PRKCH: variants seen among roughly 807,000 people sequenced by gnomAD.
The protein encoded by PRKCH is protein kinase C eta type.
PRKCH carries 28 observed loss-of-function variants against 82.5 expected under a neutral mutation model. The ratio of observed to expected loss-of-function variants is 0.34; its 90% confidence interval spans 0.25 to 0.47. The LOEUF (loss-of-function observed/expected upper bound fraction) is 0.47. PRKCH is among the 20% of genes least tolerant of loss of function. The pLI is 1.00. For synonymous variants in PRKCH, 322 were observed against 327.4 expected (o/e 0.98, Z 0.18); for missense variants, 705 against 881.8 (o/e 0.80, Z 2.54).
intron 10 of PRKCH, among the ~76,000 whole-genome samples, chr14:61,495,452 G>A (rs1472708698): frequency 2.6e-5 from 4 of 152,154 alleles, no homozygotes; most frequent in Non-Finnish European, 4.4e-5. Flanking sequence ...TAATTACAGA[G>A]AATCTTGGAT....
intron 10 of PRKCH, among the ~76,000 whole-genome samples, chr14:61,499,414 C>T (rs920708729): frequency 1.3e-5 from 2 of 152,132 alleles, no homozygotes; most frequent in African/African-American, 4.8e-5. Flanking sequence ...ACCCCACACC[C>T]TGGAGAACAG....
chr14:61,285,124 G>A (rs538151473), intron 1 of PRKCH, among the ~76,000 whole-genome samples: 161 of 151,858 alleles, frequency 1.1e-3, no homozygotes, highest in Non-Finnish European at 1.8e-3. Context: ...TCCCCCTAAC[G>A]TTTTCTTTCA....
chr14:61,280,833 C>A lies in PRKCH; in HGVS notation c.-19+93165C>A. 6.4e-7 allele frequency: 1 copy of A among 1,565,812 alleles called. No homozygotes were observed. The highest frequency in any genetic ancestry group is 8.6e-7 in the Non-Finnish European group (1 of 1,164,322). Reference sequence around the variant, plus strand: ...GCTCGTAGTAGAGGTACACTGGGCCCTGGAAGAGCTCGGGCAGCGAGAAGT... The same window carrying A: ...GCTCGTAGTAGAGGTACACTGGGCCATGGAAGAGCTCGGGCAGCGAGAAGT... On this transcript the variant is annotated intron_variant, in intron 1 of 3. Coordinates refer to the PRKCH transcript ENST00000555185. This position sits in a 1 kb window ranked among gnomAD's most constrained non-coding sequence, Gnocchi z 5.0.
At chr14:61,451,273 T>A (rs1884497221) in intron 6 of PRKCH, among the ~76,000 whole-genome samples, 1 of 151,958 alleles carries the variant, frequency 6.6e-6, no homozygotes, top group Non-Finnish European at 1.5e-5. Context: ...GAGAAAAAGA[T>A]GGGATCTTAG....
intron 10 of PRKCH, among the ~76,000 whole-genome samples, chr14:61,515,235 A>G (rs564401260): frequency 7.9e-5 from 12 of 152,316 alleles, no homozygotes; most frequent in African/African-American, 2.4e-4. Context: ...TGAAGTACAG[A>G]TACTGTTTCA....
intron 1 of PRKCH, among the ~76,000 whole-genome samples, chr14:61,333,121 G>A (rs976514147): frequency 2.0e-5 from 3 of 152,320 alleles, no homozygotes; most frequent in Admixed American, 6.5e-5. Context: ...TTTGCAAGCT[G>A]TGGGCCTCTT....
At chr14:61,318,000 T>G (rs76185238), upstream of PRKCH, among the ~76,000 whole-genome samples, 6,830 of 152,206 alleles carry the variant, frequency 0.045, 200 homozygotes, top group Non-Finnish European at 0.065. Flanking sequence ...TCAAACTTGA[T>G]AAGTTTTGAA....
intron 2 of PRKCH, among the ~76,000 whole-genome samples, chr14:61,427,660 C>G (rs1489076624): frequency 6.6e-6 from 1 of 152,148 alleles, no homozygotes; most frequent in African/African-American, 2.4e-5. Flanking sequence ...GACAATGGCT[C>G]ATTGCAGCTT....
chr14:61,456,395 A>G (rs1309250438), intron 7 of PRKCH, among the ~76,000 whole-genome samples: 2 of 152,254 alleles, frequency 1.3e-5, no homozygotes, highest in African/African-American at 4.8e-5. Flanking sequence ...TCATCCTTCT[A>G]ATGGCAGGGG....
intron 1 of PRKCH, among the ~76,000 whole-genome samples, chr14:61,290,161 G>A (rs1169286684): frequency 1.3e-5 from 2 of 151,966 alleles, no homozygotes; most frequent in Non-Finnish European, 2.9e-5. Context: ...GCGTGGTTGC[G>A]GGCACATGTA....
At chr14:61,453,531 T>TCTTTCTTTCTTTCTTC (rs1566891215) in intron 7 of PRKCH, among the ~76,000 whole-genome samples, 178 bp downstream of exon 7, 2 of 144,996 alleles carry the variant, frequency 1.4e-5, no homozygotes, top group African/African-American at 2.5e-5. Flanking sequence ...TCTTTCTTTC[T>TCTTTCTTTCTTTCTTC]CTTTCTTTCT....
At chr14:61,366,221 A>G (rs1566840675) in intron 1 of PRKCH, among the ~76,000 whole-genome samples, 1 of 152,128 alleles carries the variant, frequency 6.6e-6, no homozygotes, top group Admixed American at 6.5e-5. Context: ...ACTAGGGTAT[A>G]ATTTCTGTCG....
chr14:61,455,015 A>G (rs1884692906), intron 7 of PRKCH, among the ~76,000 whole-genome samples: 2 of 151,558 alleles, frequency 1.3e-5, no homozygotes, highest in Non-Finnish European at 2.9e-5. Flanking sequence ...CTAGTAGATC[A>G]GGGACTTTCA....
intron 1 of PRKCH, among the ~76,000 whole-genome samples, chr14:61,235,346 C>G (rs2044778924): frequency 6.6e-6 from 1 of 152,182 alleles, no homozygotes; most frequent in Non-Finnish European, 1.5e-5. Flanking sequence ...TTGTTTTTAC[C>G]TTCTTCAGTC....
At chr14:61,543,493 C>G (rs1594800708) in intron 12 of PRKCH, 1 of 152,224 alleles carries the variant, frequency 6.6e-6, no homozygotes, top group Non-Finnish European at 1.5e-5. Flanking sequence ...CCCTGGTCCC[C>G]TCACTCACTC....
chr14:61,271,930 T>C (rs1249469386), intron 1 of PRKCH, among the ~76,000 whole-genome samples: 1 of 152,170 alleles, frequency 6.6e-6, no homozygotes, highest in Non-Finnish European at 1.5e-5. Context: ...TAGGGTTGTT[T>C]AAAGATGACA....
chr14:61,441,625 A>G (rs2140275039), intron 2 of PRKCH, among the ~76,000 whole-genome samples: 1 of 151,844 alleles, frequency 6.6e-6, no homozygotes, highest in East Asian at 1.9e-4. Flanking sequence ...GATTGTTCAT[A>G]CTTTTAAAAA....
chr14:61,250,687 T>C (rs1013635813), intron 1 of PRKCH, among the ~76,000 whole-genome samples: 1 of 152,096 alleles, frequency 6.6e-6, no homozygotes, highest in Non-Finnish European at 1.5e-5. Context: ...ATACAATTTG[T>C]CCAAACTCAT....
intron 1 of PRKCH, among the ~76,000 whole-genome samples, chr14:61,229,181 A>T (rs530592619): frequency 6.6e-6 from 1 of 152,310 alleles, no homozygotes; most frequent in Admixed American, 6.5e-5. Flanking sequence ...GATGTGTTAA[A>T]TAGAATACAG....
Sources: gnomAD v4.1 joint callset for allele counts (sites outside exome capture counted in the v4.1 genomes callset) on GRCh38, gnomAD v4.1.1 for gene constraint, Gnocchi (gnomAD v3.1) non-coding constraint, MANE v1.5 for transcripts, NCBI Gene and HGNC (gene_info 2026-07-23, HGNC 2026-07-21) for gene names.